Variants in NSUN3 observed in about 807,000 individuals in gnomAD.
NSUN3 encodes the protein tRNA (cytosine(34)-C(5))-methyltransferase, mitochondrial.
A neutral mutation model predicts 36.8 loss-of-function variants in NSUN3; 24 were observed. The ratio of observed to expected loss-of-function variants is 0.65; its 90% CI spans 0.47 to 0.92. The LOEUF (loss-of-function observed/expected upper bound fraction) is 0.92. Among genes scored for constraint, NSUN3 ranks in the 40% least tolerant of loss-of-function variants. NSUN3 has a pLI of 0.00. For missense variants in NSUN3, 381 were observed against 392.8 expected, an observed-to-expected ratio of 0.97 and a Z score of 0.25; for synonymous variants, 146 against 145.2, an observed-to-expected ratio of 1.01 and a Z score of -0.04.
rs544667742 is a variant in NSUN3, at chr3:94,084,231, C to A, written c.247C>A (p.Pro83Thr). Reference protein sequence around the residue: ...GYHTLSQGSLPNYPKSVKCYL... With the variant: ...GYHTLSQGSLTNYPKSVKCYL... ...TCACACACTCTCTCAGGGATCTTTA[C>A]CCAACTATCCTAAATCAGTGAAGTG... The change falls in exon 3 of 6, where the codon CCC (proline) becomes ACC (threonine). Residue 83 changes from proline to threonine, a missense_variant. Transcript: ENST00000314622. 1 of 1,614,126 alleles carries A rather than the reference C, an allele frequency of 6.2e-7. No homozygotes were observed. Among genetic ancestry groups the A allele is most frequent in the South Asian group, 1.1e-5 (1 of 91,086 alleles).
In NSUN3 at chr3:94,129,423, C is replaced by T. The variant is rs1410603931; in HGVS notation, c.*2933C>T. On this transcript the variant is annotated 3_prime_UTR_variant, in exon 6 of 6. Transcript: ENST00000314622. ...ACAGAAAACTAAATACATATTCTCA[C>T]TTACAAATGGGAGCTAAATATCGAG... Among the ~76,000 whole-genome samples, 1 of 152,142 alleles carries T rather than the reference C, an allele frequency of 6.6e-6. No homozygotes were observed. Among genetic ancestry groups the T allele is most frequent in the African/African-American group, 2.4e-5 (1 of 41,426 alleles).
rs2077487299 is a variant in NSUN3 at position 94,126,568 on chromosome 3, A to G, written c.*78A>G. 5.4e-6 allele frequency: 7 copies of G among 1,299,418 alleles called. No individual in the cohort carries two copies. Among genetic ancestry groups the G allele is most frequent in the Non-Finnish European group, 7.4e-6 (7 of 944,956 alleles). 80.5% of individuals were successfully genotyped at this position (1,299,418 alleles called of 1,614,324 possible). ...AGTACATGTTAATATTTAAATAATT[A>G]TGCAGTAACTTTCTCTGGGTCTGTT... On this transcript the variant is annotated 3_prime_UTR_variant, in exon 6 of 6. Coordinates refer to ENST00000314622, the MANE Select transcript of NSUN3 (RefSeq NM_022072.5).
At chr3:94,084,046 T>TA in intron 2 of NSUN3, 61 bp from the exon 3 acceptor site, 1 of 1,220,788 alleles carries the variant, frequency 8.2e-7, no homozygotes, top group Non-Finnish European at 1.2e-6. Context: ...ATTCGTAATA[T>TA]AAAATTGTAT....
intron 5 of NSUN3, 28 bp downstream of exon 5, chr3:94,095,182 T>C: frequency 6.2e-7 from 1 of 1,607,226 alleles, no homozygotes; most frequent in Non-Finnish European, 8.5e-7. Context: ...AAAAGTGTAT[T>C]TTGGTGTCTG....
chr3:94,111,793 T>G (rs1415956922), intron 5 of NSUN3, among the ~76,000 whole-genome samples: 1 of 152,040 alleles, frequency 6.6e-6, no homozygotes, highest in Non-Finnish European at 1.5e-5. Context: ...CTGTAGGATC[T>G]GTCTGAAGCT....
intron 2 of NSUN3, among the ~76,000 whole-genome samples, chr3:94,069,308 G>A (rs112541239): frequency 4.5e-4 from 68 of 152,300 alleles, no homozygotes; most frequent in African/African-American, 1.6e-3. Flanking sequence ...TCAGCTCTTC[G>A]TTAGCATCTC....
intron 5 of NSUN3, among the ~76,000 whole-genome samples, chr3:94,107,752 A>G (rs2077396157): frequency 6.6e-6 from 1 of 152,084 alleles, no homozygotes; most frequent in African/African-American, 2.4e-5. Flanking sequence ...ACCATATCTC[A>G]ATTTTAAAAC....
At chr3:94,117,648 G>A (rs2077446013) in intron 5 of NSUN3, among the ~76,000 whole-genome samples, 2 of 152,124 alleles carry the variant, frequency 1.3e-5, no homozygotes, top group African/African-American at 4.8e-5. Context: ...TACATTCCAT[G>A]GCAAGAAGGG....
At position 94,116,985 on chromosome 3, in the gene NSUN3, C is replaced by CTTTTTTTTTT. The variant is rs60234250; in HGVS notation, c.744-9206_744-9197dup. 1.3e-4 allele frequency among the ~76,000 whole-genome samples: 8 copies of CTTTTTTTTTT among 63,958 alleles called. 3 individuals are homozygous for CTTTTTTTTTT. Among genetic ancestry groups the CTTTTTTTTTT allele is most frequent in the Non-Finnish European group, 5.5e-5 (2 of 36,278 alleles). The allele number at this position is 63,958 out of a possible 152,430, so 42.0% of individuals were successfully genotyped here. A position where few individuals can be genotyped will look rare whatever the true frequency, so the allele number is the denominator to read the frequency against. On this transcript the variant is annotated intron_variant, in intron 5 of 5. Transcript: ENST00000314622. ...TTTAAGCCAAGTGAATCTGCCACAA[C>CTTTTTTTTTT]TTTTTTTTTTTTTTTTTTTTTTTTT... is the stretch of plus-strand genomic sequence containing the variant.
rs2077494926 is a variant in NSUN3 at position 94,128,135 on chromosome 3, A to C, written c.*1645A>C. The C allele has an allele frequency of 6.6e-6, 1 of 152,208 alleles. No homozygotes were observed. The highest frequency in any genetic ancestry group is 1.5e-5 in the Non-Finnish European group (1 of 68,086). 9.4% of individuals were successfully genotyped at this position (152,208 alleles called of 1,614,324 possible). ...GCTACTTAGGAGGCTGAGGCAGGAG[A>C]ATCACTTGAACCCAGGAGGCAGAGG... On this transcript the variant is annotated 3_prime_UTR_variant, in exon 6 of 6. Coordinates refer to ENST00000314622, the MANE Select transcript of NSUN3 (RefSeq NM_022072.5).
chr3:94,126,669 G>T lies in NSUN3; in HGVS notation c.*179G>T, dbSNP rs2077487862. On this transcript the variant is annotated 3_prime_UTR_variant, in exon 6 of 6. Transcript: ENST00000314622. ...ATTGTTCAGGTGTATTTTTTTCCTA[G>T]AAATATATCTGTAACAATGATTTAA... The T allele has an allele frequency of 3.5e-6, 2 of 564,522 alleles. No homozygotes were observed. Among genetic ancestry groups the T allele is most frequent in the Non-Finnish European group, 6.2e-6 (2 of 324,598 alleles). The allele number at this position is 564,522 out of a possible 1,614,324, so 35.0% of individuals were successfully genotyped here.
At chr3:94,119,115 G>A (rs1337960766) in intron 5 of NSUN3, among the ~76,000 whole-genome samples, 2 of 152,126 alleles carry the variant, frequency 1.3e-5, no homozygotes, top group Non-Finnish European at 2.9e-5. Context: ...GGAAGCAGAT[G>A]ATTTATCCCA....
At chr3:94,084,648 C>A in intron 3 of NSUN3, 198 bp downstream of exon 3, 1 of 486,578 alleles carries the variant, frequency 2.1e-6, no homozygotes, top group East Asian at 3.3e-5. Flanking sequence ...CAATTTAATT[C>A]TAGCAGGTGA....
chr3:94,101,835 A>G (rs1399760137), intron 5 of NSUN3, among the ~76,000 whole-genome samples: 1 of 152,192 alleles, frequency 6.6e-6, no homozygotes, highest in East Asian at 1.9e-4. Flanking sequence ...GTGGGAAAAT[A>G]TACTGAAAAT....
intron 2 of NSUN3, among the ~76,000 whole-genome samples, chr3:94,078,009 C>G (rs529597880): frequency 6.6e-6 from 1 of 152,058 alleles, no homozygotes; most frequent in Non-Finnish European, 1.5e-5. Context: ...TGTTGCTTCT[C>G]TAGTTCTTTT....
chr3:94,106,740 G>A (rs2077391046), intron 5 of NSUN3, among the ~76,000 whole-genome samples: 1 of 151,956 alleles, frequency 6.6e-6, no homozygotes, highest in Non-Finnish European at 1.5e-5. Context: ...GAAACAGGGT[G>A]AAATGATGAG....
intron 5 of NSUN3, among the ~76,000 whole-genome samples, chr3:94,097,133 T>G (rs1025052223): frequency 7.2e-5 from 11 of 152,214 alleles, no homozygotes; most frequent in African/African-American, 2.2e-4. Flanking sequence ...ATTTTTAAAA[T>G]TTTTAGAATT....
intron 2 of NSUN3, among the ~76,000 whole-genome samples, chr3:94,069,280 A>G (rs972959819): frequency 2.0e-5 from 3 of 152,242 alleles, no homozygotes; most frequent in Non-Finnish European, 4.4e-5. Context: ...TCCATTGCCA[A>G]AATAGAATAG....
In NSUN3 at chr3:94,064,531, C is replaced by G. The variant is rs1431635106; in HGVS notation, c.107C>G (p.Ala36Gly). Residue 36 changes from alanine (A) to glycine (G), a missense_variant, in exon 2 of 6, where the codon GCC becomes GGC. By Grantham distance (60) the Ala-to-Gly change is moderately conservative. Coordinates refer to ENST00000314622, the MANE Select transcript of NSUN3 (RefSeq NM_022072.5). ...CAGTATTCCAAAGAACTCGGAGATG[C>G]CTGGAATACAGTAAGGTTAGTATAA... is the stretch of plus-strand genomic sequence containing the variant. The part of the protein sequence containing the change: ...EKQYSKELGD[A>G]WNTVREILTS... The G allele has an allele frequency of 1.9e-6, 3 of 1,590,990 alleles. No individual in the cohort carries two copies. The South Asian group carries it at 3.3e-5, about 18-fold the overall frequency.
Sources: allele counts gnomAD v4.1 joint callset (sites outside exome capture counted in the v4.1 genomes callset), GRCh38; gene constraint gnomAD v4.1.1; transcripts MANE v1.5; gene names NCBI Gene and HGNC (gene_info 2026-07-23, HGNC 2026-07-21).